The following PIK3C2G variants were observed in gnomAD, a reference collection of about 807,000 sequenced individuals.
PIK3C2G encodes the protein phosphatidylinositol-4-phosphate 3-kinase catalytic subunit type 2 gamma, also known as phosphatidylinositol 3-kinase C2 domain-containing subunit gamma.
In PIK3C2G, 168 loss-of-function variants were observed where a neutral mutation model predicts 181.1. The ratio of observed to expected loss-of-function variants is 0.93; its 90% CI spans 0.82 to 1.05. The LOEUF is 1.05. Among genes scored for constraint, PIK3C2G ranks in the 50% least tolerant of loss-of-function variants. PIK3C2G has a pLI of 0.00. For missense variants in PIK3C2G, 1,869 were observed against 1,732.8 expected, an observed-to-expected ratio of 1.08 and a Z score of -1.40; for synonymous variants, 573 against 592.2, an observed-to-expected ratio of 0.97 and a Z score of 0.47.
intron 18 of PIK3C2G, among the ~76,000 whole-genome samples, chr12:18,465,886 C>T (rs376392623): frequency 6.6e-6 from 1 of 151,652 alleles, no homozygotes; most frequent in African/African-American, 2.4e-5. Flanking sequence ...CCCTGTTCTG[C>T]TTCTGGAATC....
chr12:18,321,087 C>A, intron 7 of PIK3C2G, 55 bp downstream of exon 7: 2 of 909,932 alleles, frequency 2.2e-6, no homozygotes, highest in South Asian at 1.5e-5. Flanking sequence ...TCTCAAATGT[C>A]AAATCTCAGT....
chr12:18,521,719 C>T (rs572182724), intron 24 of PIK3C2G, among the ~76,000 whole-genome samples: 7 of 152,336 alleles, frequency 4.6e-5, no homozygotes, highest in Admixed American at 1.3e-4. Context: ...ATCCCAGTGT[C>T]GACTGCCGCC....
At chr12:18,637,807 C>T (rs1034924581) in intron 31 of PIK3C2G, among the ~76,000 whole-genome samples, 2 of 152,072 alleles carry the variant, frequency 1.3e-5, no homozygotes, top group Non-Finnish European at 2.9e-5. Context: ...ATGACGAATC[C>T]ACTCTCCATA....
chr12:18,700,176 G>T, the PIK3C2G span, among the ~76,000 whole-genome samples: 1 of 151,972 alleles, frequency 6.6e-6, no homozygotes, highest in Non-Finnish European at 1.5e-5. Context: ...AATGTAATAA[G>T]TATTGAGGAC....
chr12:18,414,683 A>G (rs1429516080), intron 16 of PIK3C2G, among the ~76,000 whole-genome samples: 1 of 151,438 alleles, frequency 6.6e-6, no homozygotes, highest in African/African-American at 2.5e-5. Flanking sequence ...CAAAAGGTAA[A>G]TAGATAGATC....
At chr12:18,437,696 T>C (rs1424564207) in intron 18 of PIK3C2G, among the ~76,000 whole-genome samples, 1 of 151,960 alleles carries the variant, frequency 6.6e-6, no homozygotes, top group East Asian at 1.9e-4. Flanking sequence ...TCTGTTTTCT[T>C]CCAACTAAAA....
chr12:18,426,126 T>C (rs1190844816), intron 18 of PIK3C2G, among the ~76,000 whole-genome samples: 1 of 152,222 alleles, frequency 6.6e-6, no homozygotes, highest in Non-Finnish European at 1.5e-5. Context: ...TATTCATAGA[T>C]GCATCATTTT....
At chr12:18,679,158 C>A in the PIK3C2G span, among the ~76,000 whole-genome samples, 1 of 151,972 alleles carries the variant, frequency 6.6e-6, no homozygotes, top group Non-Finnish European at 1.5e-5. Context: ...ATATTTTGCC[C>A]ATTTTTCTTA....
chr12:18,471,870 C>T (rs987459762), intron 18 of PIK3C2G, among the ~76,000 whole-genome samples: 1 of 151,848 alleles, frequency 6.6e-6, no homozygotes, highest in Admixed American at 6.6e-5. Flanking sequence ...ACATGTTACC[C>T]ATAGTCAATA....
chr12:18,408,730 C>G (rs1944684861), intron 16 of PIK3C2G, among the ~76,000 whole-genome samples: 1 of 151,846 alleles, frequency 6.6e-6, no homozygotes, highest in South Asian at 2.1e-4. Context: ...GCAAACAACC[C>G]CATCAAAAAG....
rs140449946 is a variant in PIK3C2G, at chr12:18,461,743, C to T, written c.2505-26706C>T. Among the ~76,000 whole-genome samples the T allele has an allele frequency of 3.6e-3, 541 of 152,288 alleles. 5 individuals carry two copies. Among genetic ancestry groups the T allele is most frequent in the Middle Eastern group, 6.8e-3 (2 of 294 alleles). On this transcript the variant is annotated intron_variant, in intron 18 of 32. Transcript: ENST00000538779. ...ACAGCTAAAAGATGCCATCTGTGAA[C>T]CAGAAGCAGGCCAGACACAGAATCT...
chr12:18,670,079 G>A, the PIK3C2G span, among the ~76,000 whole-genome samples: 1 of 151,986 alleles, frequency 6.6e-6, no homozygotes, highest in Admixed American at 6.6e-5. Flanking sequence ...CACCCCATTG[G>A]GAGTTAGGGC....
intron 25 of PIK3C2G, among the ~76,000 whole-genome samples, chr12:18,538,719 A>G (rs1943996823): frequency 6.6e-6 from 1 of 151,906 alleles, no homozygotes; most frequent in African/African-American, 2.4e-5. Context: ...CTGGCTGTCC[A>G]TTCCAAACTC....
chr12:18,579,360 G>A (rs1293134979), intron 29 of PIK3C2G, among the ~76,000 whole-genome samples: 1 of 152,166 alleles, frequency 6.6e-6, no homozygotes, highest in Non-Finnish European at 1.5e-5. Context: ...TGCCCTTCTA[G>A]TATAATTCTT....
At chr12:18,351,719 G>C (rs150137102) in intron 11 of PIK3C2G, among the ~76,000 whole-genome samples, 4 of 152,248 alleles carry the variant, frequency 2.6e-5, no homozygotes, top group Admixed American at 1.3e-4. Flanking sequence ...GCATATGCAC[G>C]TCATCCTGTA....
At chr12:18,255,260 C>A (rs952427442) in intron 1 of PIK3C2G, among the ~76,000 whole-genome samples, 1 of 130,930 alleles carries the variant, frequency 7.6e-6, no homozygotes, top group African/African-American at 2.6e-5. Context: ...AATAAACAAA[C>A]AAACAAACAA....
At chr12:18,269,204 G>A (rs1426619468) in intron 1 of PIK3C2G, among the ~76,000 whole-genome samples, 1 of 152,114 alleles carries the variant, frequency 6.6e-6, no homozygotes, top group African/African-American at 2.4e-5. Flanking sequence ...AAGCCACTGT[G>A]CCAGCTGAAA....
chr12:18,468,576 G>A (rs1357768163), intron 18 of PIK3C2G, among the ~76,000 whole-genome samples: 1 of 152,000 alleles, frequency 6.6e-6, no homozygotes, highest in Non-Finnish European at 1.5e-5. Flanking sequence ...CTCAGTTTAA[G>A]ATCATTATTT....
upstream of PIK3C2G, among the ~76,000 whole-genome samples, chr12:18,258,944 C>G (rs1313859928): frequency 1.3e-5 from 2 of 152,114 alleles, no homozygotes; most frequent in African/African-American, 2.4e-5. Context: ...AATAGAGCAG[C>G]AATGCAGTTA....
Sources: allele counts gnomAD v4.1 joint callset (sites outside exome capture counted in the v4.1 genomes callset), GRCh38; gene constraint gnomAD v4.1.1; transcripts MANE v1.5; gene names NCBI Gene and HGNC (gene_info 2026-07-23, HGNC 2026-07-21).